PRKAR1B: variants seen among roughly 807,000 people sequenced by gnomAD.
PRKAR1B encodes the protein protein kinase cAMP-dependent type I regulatory subunit beta.
Under a neutral mutation model 46.5 loss-of-function variants are expected in PRKAR1B, and 22 were observed. The ratio of observed to expected loss-of-function variants is 0.47; its 90% CI spans 0.34 to 0.68. The LOEUF (loss-of-function observed/expected upper bound fraction) is 0.68, where lower values mean the gene tolerates loss of function less well. PRKAR1B is among the 30% of genes least tolerant of loss of function. PRKAR1B has a pLI of 0.01. For synonymous variants in PRKAR1B, 259 were observed against 217.7 expected (o/e 1.19, Z -1.67); for missense variants, 445 against 535.6 (o/e 0.83, Z 1.67).
At chr7:597,495 C>T (rs375404692) in intron 6 of PRKAR1B, among the ~76,000 whole-genome samples, 3 of 152,322 alleles carry the variant, frequency 2.0e-5, no homozygotes, top group African/African-American at 4.8e-5. Flanking sequence ...AGCAGGATTA[C>T]GGGGCAGAAG....
At position 550,399 on chromosome 7, in the gene PRKAR1B, G is replaced by C; in HGVS notation, c.*31C>G. On this transcript the variant is annotated 3_prime_UTR_variant, in exon 11 of 11. Coordinates refer to ENST00000537384, the MANE Select transcript of PRKAR1B (RefSeq NM_001164760.2). ...CGAGCAGGGCACGGCCACCACACTGGGGAGCTGGGGCTGCAGGGCGGGAGC... is the reference window on the plus strand; with the variant it reads ...CGAGCAGGGCACGGCCACCACACTGCGGAGCTGGGGCTGCAGGGCGGGAGC... 1 of 1,564,928 alleles carries C rather than the reference G, an allele frequency of 6.4e-7. No individual in the cohort carries two copies. Among genetic ancestry groups the C allele is most frequent in the Non-Finnish European group, 8.7e-7 (1 of 1,154,518 alleles).
chr7:628,022 A>G lies in PRKAR1B; in HGVS notation c.441-20570T>C, dbSNP rs144987678. On this transcript the variant is annotated intron_variant, in intron 4 of 10. Coordinates refer to ENST00000537384, the MANE Select transcript of PRKAR1B (RefSeq NM_001164760.2). ...CAAACACAGGCCGAGGCCTCATCAC[A>G]GGGGGACAGCGGTGGGGGGAGTGGG... 5.1e-3 allele frequency among the ~76,000 whole-genome samples: 766 copies of G among 149,914 alleles called. 4 individuals carry two copies. The highest frequency in any genetic ancestry group is 0.025 in the South Asian group (117 of 4,668).
rs954003049 is a variant in PRKAR1B at position 677,216 on chromosome 7, C to G, written c.440+13G>C. 6.2e-7 allele frequency: 1 copy of G among 1,613,778 alleles called. No individual in the cohort carries two copies. The highest frequency in any genetic ancestry group is 8.5e-7 in the Non-Finnish European group (1 of 1,179,686). On this transcript the variant is annotated intron_variant, in intron 4 of 10. Coordinates refer to ENST00000537384, the MANE Select transcript of PRKAR1B (RefSeq NM_001164760.2). Reference sequence around the variant, plus strand: ...GCGGCGGTGATGCCGGGGCAGGGGACGAGTCTGCCTACCTCCTCTCGTTGT... The same window carrying G: ...GCGGCGGTGATGCCGGGGCAGGGGAGGAGTCTGCCTACCTCCTCTCGTTGT...
intron 2 of PRKAR1B, among the ~76,000 whole-genome samples, chr7:710,472 C>T (rs1780559779): frequency 6.6e-6 from 1 of 152,052 alleles, no homozygotes; most frequent in South Asian, 2.1e-4. Flanking sequence ...TGCAGGAGGC[C>T]AGGAAGGGGG....
chr7:599,926 G>A lies in PRKAR1B; in HGVS notation c.550-3622C>T, dbSNP rs1468484376. Among the ~76,000 whole-genome samples the A allele has an allele frequency of 4.8e-5, 7 of 146,758 alleles. 1 individual carries two copies. The highest frequency in any genetic ancestry group is 1.8e-4 in the African/African-American group (7 of 39,814). On this transcript the variant is annotated intron_variant, in intron 6 of 10. Coordinates refer to ENST00000537384, the MANE Select transcript of PRKAR1B (RefSeq NM_001164760.2). ...CACCCTCTGTGTTTAGAAGTCAATGGTGGGACAGGGGTGCCAAGAGCTGGG... is the reference window on the plus strand; with the variant it reads ...CACCCTCTGTGTTTAGAAGTCAATGATGGGACAGGGGTGCCAAGAGCTGGG...
chr7:557,085 G>T (rs994962975), intron 9 of PRKAR1B, among the ~76,000 whole-genome samples: 2 of 152,252 alleles, frequency 1.3e-5, no homozygotes, highest in African/African-American at 4.8e-5. Context: ...TTTCCAACCA[G>T]AGTCGGGGAG....
intron 4 of PRKAR1B, among the ~76,000 whole-genome samples, chr7:660,229 T>G (rs543905911): frequency 9.9e-5 from 15 of 152,072 alleles, no homozygotes; most frequent in Non-Finnish European, 1.6e-4. Context: ...ATCACCTCCC[T>G]GCTCAGTCTC....
rs573551500 is a variant in PRKAR1B at position 580,792 on chromosome 7, A to G, written c.770-1415T>C. ...ACGTTTCCTGGCCTATACAAATCAG[A>G]TGCTACCTATGTAGGTCAGAAGCTA... On this transcript the variant is annotated intron_variant, in intron 8 of 10. Coordinates refer to ENST00000537384, the MANE Select transcript of PRKAR1B (RefSeq NM_001164760.2). Among the ~76,000 whole-genome samples the G allele has an allele frequency of 5.9e-5, 9 of 151,706 alleles. No individual in the cohort carries two copies. The Middle Eastern group carries it at 0.024, about 410-fold the overall frequency.
chr7:610,443 C>G (rs778037031), intron 4 of PRKAR1B, among the ~76,000 whole-genome samples: 1 of 152,200 alleles, frequency 6.6e-6, no homozygotes, highest in Non-Finnish European at 1.5e-5. Context: ...ACAGGTGTCC[C>G]TCATCTCCCC....
At chr7:728,331 A>T (rs1009423358), upstream of PRKAR1B, among the ~76,000 whole-genome samples, 6 of 152,214 alleles carry the variant, frequency 3.9e-5, no homozygotes, top group African/African-American at 1.2e-4. Context: ...TGGCCAGCTC[A>T]GGCCGTCCCA....
At chr7:604,847 G>T (rs1468838291) in intron 6 of PRKAR1B, among the ~76,000 whole-genome samples, 1 of 151,882 alleles carries the variant, frequency 6.6e-6, no homozygotes, top group Non-Finnish European at 1.5e-5. Flanking sequence ...TGGGGCAGGT[G>T]GACAAGGAGA....
At chr7:636,005 C>T (rs1470191968) in intron 4 of PRKAR1B, among the ~76,000 whole-genome samples, 6 of 85,406 alleles carry the variant, frequency 7.0e-5, no homozygotes, top group African/African-American at 2.2e-4. Flanking sequence ...CTCCACCGGC[C>T]GCGCCCTCAC....
rs1778689318 is a variant in PRKAR1B, at chr7:560,076, C to T, written c.892-8606G>A. 6.6e-6 allele frequency among the ~76,000 whole-genome samples: 1 copy of T among 152,158 alleles called. No homozygotes were observed. Among genetic ancestry groups the T allele is most frequent in the South Asian group, 2.1e-4 (1 of 4,834 alleles). On this transcript the variant is annotated intron_variant, in intron 9 of 10. Coordinates refer to ENST00000537384, the MANE Select transcript of PRKAR1B (RefSeq NM_001164760.2). The surrounding 1 kb of genome is among the most constrained non-coding windows in gnomAD (Gnocchi z 4.2). ...TTTGGCGGTGTCCCCACCCAAATCT[C>T]ATCTTGAGTTGTAGCTCCCATAATC...
At chr7:569,738 T>C (rs1300128275) in intron 9 of PRKAR1B, among the ~76,000 whole-genome samples, 1 of 152,110 alleles carries the variant, frequency 6.6e-6, no homozygotes, top group Non-Finnish European at 1.5e-5. Flanking sequence ...GGAGGGATGC[T>C]GGCACCTGGT....
intron 4 of PRKAR1B, among the ~76,000 whole-genome samples, chr7:675,716 G>T (rs778861351): frequency 2.6e-5 from 4 of 152,152 alleles, no homozygotes; most frequent in Non-Finnish European, 5.9e-5. Context: ...GGGAGGCCGA[G>T]GCAGGTGGAT....
chr7:705,118 C>T (rs1048834496), intron 2 of PRKAR1B, among the ~76,000 whole-genome samples: 4 of 151,638 alleles, frequency 2.6e-5, no homozygotes, highest in Non-Finnish European at 4.4e-5. Context: ...ATGGTGAAAC[C>T]CCATCTCTAC....
chr7:587,809 G>A (rs1780684362), intron 7 of PRKAR1B, among the ~76,000 whole-genome samples: 1 of 152,234 alleles, frequency 6.6e-6, no homozygotes, highest in Non-Finnish European at 1.5e-5. Flanking sequence ...AAGGAAGGGA[G>A]ATGGATTGCT....
chr7:719,184 T>G (rs1177969578), intron 1 of PRKAR1B, among the ~76,000 whole-genome samples: 3 of 152,034 alleles, frequency 2.0e-5, no homozygotes, highest in Non-Finnish European at 1.5e-5. Context: ...GGATTACAGG[T>G]GCCTGCCACC....
chr7:670,128 A>C (rs1015691167), intron 4 of PRKAR1B, among the ~76,000 whole-genome samples: 1 of 151,684 alleles, frequency 6.6e-6, no homozygotes, highest in Non-Finnish European at 1.5e-5. Context: ...TCGGCCTCCC[A>C]AAGTGCTGGA....
Sources: gnomAD v4.1 joint callset for allele counts (sites outside exome capture counted in the v4.1 genomes callset) on GRCh38, gnomAD v4.1.1 for gene constraint, Gnocchi (gnomAD v3.1) non-coding constraint, MANE v1.5 for transcripts, NCBI Gene and HGNC (gene_info 2026-07-23, HGNC 2026-07-21) for gene names.